The following RORA variants were observed in gnomAD, a reference collection of about 807,000 sequenced individuals.
RORA encodes the protein RAR related orphan receptor A.
Under a neutral mutation model 69.5 loss-of-function variants are expected in RORA, and 7 were observed. The observed-to-expected ratio is 0.10, with a 90% CI of 0.06 to 0.19. The LOEUF (loss-of-function observed/expected upper bound fraction) is 0.19, where lower values mean the gene tolerates loss of function less well. Among genes scored for constraint, RORA ranks in the 10% least tolerant of loss-of-function variants. The pLI, the probability that RORA is intolerant of heterozygous loss-of-function variation, is 1.00. For missense variants in RORA, 457 were observed against 663.0 expected, an observed-to-expected ratio of 0.69 and a Z score of 3.41; for synonymous variants, 261 against 240.8, an observed-to-expected ratio of 1.08 and a Z score of -0.78.
chr15:60,959,198 T>C (rs1893349874), intron 1 of RORA, among the ~76,000 whole-genome samples: 1 of 152,200 alleles, frequency 6.6e-6, no homozygotes, highest in South Asian at 2.1e-4. Context: ...TGCTTTTATG[T>C]CTACTGGACA....
At chr15:60,739,987 G>A (rs1050254835) in intron 1 of RORA, among the ~76,000 whole-genome samples, 2 of 152,044 alleles carry the variant, frequency 1.3e-5, no homozygotes, top group African/African-American at 4.8e-5. Context: ...TCCATCCAAA[G>A]AAAGAGATTT....
intron 1 of RORA, among the ~76,000 whole-genome samples, chr15:61,088,232 G>C (rs967201000): frequency 6.6e-6 from 1 of 152,198 alleles, no homozygotes; most frequent in African/African-American, 2.4e-5. Context: ...ATGACAACCT[G>C]TGGAAGTCTG....
chr15:60,757,092 A>G (rs2071813142), intron 1 of RORA, among the ~76,000 whole-genome samples: 1 of 152,222 alleles, frequency 6.6e-6, no homozygotes, highest in South Asian at 2.1e-4. Context: ...AGATGTTTAA[A>G]AAAATGTTCA....
chr15:61,021,570 C>T (rs1595884105), intron 1 of RORA, among the ~76,000 whole-genome samples: 1 of 152,310 alleles, frequency 6.6e-6, no homozygotes. Flanking sequence ...GAACCTGACC[C>T]TGGATCCCAC....
At chr15:60,925,651 A>G (rs939527982) in intron 1 of RORA, among the ~76,000 whole-genome samples, 1 of 152,202 alleles carries the variant, frequency 6.6e-6, no homozygotes, top group African/African-American at 2.4e-5. Context: ...GTGAATGATC[A>G]TCAGACCGGC....
intron 1 of RORA, among the ~76,000 whole-genome samples, chr15:60,780,204 C>T (rs147877030): frequency 2.2e-4 from 34 of 152,288 alleles, no homozygotes; most frequent in African/African-American, 7.9e-4. Context: ...GATCTCTACC[C>T]TGGCTGCTTA....
chr15:61,093,075 T>C (rs1437537), intron 1 of RORA, among the ~76,000 whole-genome samples: 92,207 of 152,048 alleles, frequency 0.61, 28,131 homozygotes, highest in Admixed American at 0.69. Flanking sequence ...CTCGTTCTCC[T>C]GGACTTCTGA....
chr15:60,763,064 GATTTTTTTTTT>G (rs2071920085), intron 1 of RORA, among the ~76,000 whole-genome samples: 1 of 40,216 alleles, frequency 2.5e-5, no homozygotes, highest in African/African-American at 1.1e-4. Context: ...AATATGCACA[GATTTTTTTTTT>G]TTTTTTTTTT....
At chr15:60,675,739 A>T (rs534516757) in intron 2 of RORA, among the ~76,000 whole-genome samples, 19 of 152,340 alleles carry the variant, frequency 1.2e-4, no homozygotes, top group African/African-American at 4.6e-4. Flanking sequence ...CTTTCCAGAT[A>T]ACAAGGTGGA....
intron 1 of RORA, among the ~76,000 whole-genome samples, chr15:60,840,498 T>C (rs1445664850): frequency 6.6e-6 from 1 of 152,262 alleles, no homozygotes; most frequent in Non-Finnish European, 1.5e-5. Flanking sequence ...CATAGAACCC[T>C]GTCCCCACTC....
chr15:60,941,544 C>T (rs1016735765), intron 1 of RORA, among the ~76,000 whole-genome samples: 17 of 152,332 alleles, frequency 1.1e-4, no homozygotes, highest in African/African-American at 1.9e-4. Flanking sequence ...GAGACAGCCT[C>T]GGGCTGAGTT....
intron 1 of RORA, among the ~76,000 whole-genome samples, chr15:60,902,531 C>G (rs755075577): frequency 3.3e-5 from 5 of 152,190 alleles, no homozygotes; most frequent in Non-Finnish European, 7.3e-5. Flanking sequence ...AGAGAAGCAG[C>G]ACGGCTTGCC....
At chr15:60,887,141 TGA>T (rs3053903) in intron 1 of RORA, among the ~76,000 whole-genome samples, 102,848 of 147,724 alleles carry the variant, frequency 0.7, 35,688 homozygotes, top group East Asian at 0.87. Flanking sequence ...TTGCCAGAGC[TGA>T]GAGAGAGAGA....
At chr15:61,104,544 C>G (rs1385486530) in intron 1 of RORA, among the ~76,000 whole-genome samples, 1 of 152,180 alleles carries the variant, frequency 6.6e-6, no homozygotes, top group South Asian at 2.1e-4. Context: ...AAACACCTTA[C>G]TGGATAAAGA....
At chr15:60,958,847 C>G (rs1035372692) in intron 1 of RORA, among the ~76,000 whole-genome samples, 6 of 152,126 alleles carry the variant, frequency 3.9e-5, no homozygotes, top group Non-Finnish European at 8.8e-5. Context: ...TCTGAGACGT[C>G]CACTCAGTAG....
intron 1 of RORA, among the ~76,000 whole-genome samples, chr15:61,130,112 G>A (rs180712542): frequency 1.2e-3 from 180 of 152,346 alleles, no homozygotes; most frequent in African/African-American, 4.1e-3. Flanking sequence ...AGTATCATTA[G>A]ACACCTCTTG....
intron 1 of RORA, among the ~76,000 whole-genome samples, chr15:61,079,988 G>T (rs2078515090): frequency 6.6e-6 from 1 of 152,168 alleles, no homozygotes; most frequent in Non-Finnish European, 1.5e-5. Context: ...AGCAAATCCT[G>T]TATATAAAGA....
rs1463831108 is a variant in RORA, at chr15:60,521,981, CTG to C, written c.283-7226_283-7225del. Among the ~76,000 whole-genome samples, 10 of 152,232 alleles carry C rather than the reference CTG, an allele frequency of 6.6e-5. No homozygotes were observed. In the East Asian group the frequency reaches 1.9e-3, roughly 29 times the overall value. On this transcript the variant is annotated intron_variant, in intron 3 of 10. Transcript: ENST00000335670. The stretch of plus-strand genomic sequence containing the variant: ...AATACTTTTTCTTTAAAAAAAATGA[CTG>C]TATACTATGAATTTTTCACTGATCC...
intron 1 of RORA, among the ~76,000 whole-genome samples, chr15:61,212,589 A>C (rs771497432): frequency 2.0e-5 from 3 of 152,042 alleles, no homozygotes; most frequent in Admixed American, 6.5e-5. Context: ...AAAGGGTTTC[A>C]CCATATTGGC....
Sources: allele counts gnomAD v4.1 joint callset (sites outside exome capture counted in the v4.1 genomes callset), GRCh38; gene constraint gnomAD v4.1.1; transcripts MANE v1.5; gene names NCBI Gene and HGNC (gene_info 2026-07-23, HGNC 2026-07-21).